Variants in TP53BP1 observed in about 807,000 individuals in gnomAD.
TP53BP1 encodes TP53-binding protein 1.
TP53BP1 carries 61 observed loss-of-function variants against 200.8 expected under a neutral mutation model. That is an observed-to-expected ratio of 0.30 (90% CI 0.25 to 0.38). The LOEUF is 0.38. Among genes scored for constraint, TP53BP1 ranks in the 10% least tolerant of loss-of-function variants. The pLI is 1.00. For missense variants in TP53BP1, 2,144 were observed against 2,371.9 expected, an observed-to-expected ratio of 0.90 and a Z score of 2.00; for synonymous variants, 822 against 844.3, an observed-to-expected ratio of 0.97 and a Z score of 0.46.
At chr15:43,499,019 C>CAA (rs540418662) in intron 1 of TP53BP1, among the ~76,000 whole-genome samples, 10 of 141,364 alleles carry the variant, frequency 7.1e-5, no homozygotes, top group East Asian at 2.0e-4. Flanking sequence ...ACAACAACAA[C>CAA]AAAAAAAAAA....
Position 43,475,624 on chromosome 15 carries a change from G to T in TP53BP1, c.1026C>A (p.Thr342=). The change falls in exon 9 of 28, where the codon ACC becomes ACA. Residue 342 remains threonine, a synonymous_variant. Transcript: ENST00000382044. ...CAGAGAGCTGCAGGAGATGCAGAGT[G>T]GTGGCAGGAGTGGAAGCCAAAGAAC... The part of the protein sequence containing the change: ...GGCSLASTPA[T]TLHLLQLSGQ... 1 of 1,614,066 alleles carries T rather than the reference G, an allele frequency of 6.2e-7. No homozygotes were observed. The highest frequency in any genetic ancestry group is 1.1e-5 in the South Asian group (1 of 91,082).
chr15:43,457,246 G>A (rs2046321833), intron 11 of TP53BP1, 28 bp from the exon 12 acceptor site: 1 of 1,540,576 alleles, frequency 6.5e-7, no homozygotes, highest in Non-Finnish European at 8.7e-7. Context: ...GAGACAAATT[G>A]TAATTTGTAC....
At chr15:43,503,820 T>G (rs543890355) in intron 1 of TP53BP1, among the ~76,000 whole-genome samples, 9 of 152,362 alleles carry the variant, frequency 5.9e-5, no homozygotes, top group Admixed American at 5.2e-4. Flanking sequence ...GGATTCTGCA[T>G]CTGTGGATTC....
At chr15:43,455,782 C>A in intron 12 of TP53BP1, 110 bp downstream of exon 12, 2 of 1,300,600 alleles carry the variant, frequency 1.5e-6, no homozygotes, top group Non-Finnish European at 2.1e-6. Flanking sequence ...TGTTCATAAA[C>A]ATAAACCAAA....
Position 43,456,889 on chromosome 15 carries a change from C to G in TP53BP1, c.1719G>C (p.Leu573=), listed in dbSNP as rs1158446752. 6.2e-7 allele frequency: 1 copy of G among 1,613,916 alleles called. No homozygotes were observed. The highest frequency in any genetic ancestry group is 1.3e-5 in the African/African-American group (1 of 74,914). ...KFVPAENDSI[L]MNPAQDGEVQ... ...CTTCACCATCCTGTGCTGGATTCAT[C>G]AGGATACTATCATTTTCAGCAGGAA... Residue 573 remains leucine (L), a synonymous_variant, in exon 12 of 28, where the codon CTG becomes CTC. Coordinates refer to ENST00000382044, the MANE Select transcript of TP53BP1 (RefSeq NM_001141980.3).
chr15:43,492,306 G>C lies in TP53BP1; in HGVS notation c.170C>G (p.Thr57Arg), dbSNP rs900018235. ...MLSRHLPNLQ[T>R]HKENPVLDVV... Reference sequence around the variant, plus strand: ...CACCAACACAGGATTTTCTTTGTGCGTCTGGAGATTAGGAAGGTGTCGAGA... The same window carrying C: ...CACCAACACAGGATTTTCTTTGTGCCTCTGGAGATTAGGAAGGTGTCGAGA... The change falls in exon 2 of 28, where the codon ACG becomes AGG. Residue 57 changes from threonine (T) to arginine (R), a missense_variant. Physicochemically the swap from Thr to Arg is moderately conservative, Grantham distance 71 (BLOSUM62 -1). Transcript: ENST00000382044. The C allele has an allele frequency of 6.2e-7, 1 of 1,613,918 alleles. No individual in the cohort carries two copies.
chr15:43,495,816 CAAAA>C (rs1180419642), upstream of TP53BP1, among the ~76,000 whole-genome samples: 1 of 55,888 alleles, frequency 1.8e-5, no homozygotes. Context: ...GACCCCGTCT[CAAAA>C]AAAAAAAAAA....
At chr15:43,466,209 G>A (rs36078097) in intron 11 of TP53BP1, among the ~76,000 whole-genome samples, 26,569 of 152,028 alleles carry the variant, frequency 0.17, 2,505 homozygotes, top group Middle Eastern at 0.27. Flanking sequence ...GACAGTGAAC[G>A]GAGGTTAACA....
rs1177812686 is a variant in TP53BP1, at chr15:43,469,980, C to T, written c.1267G>A (p.Glu423Lys). The change falls in exon 11 of 28, where the codon GAA becomes AAA. Residue 423 changes from glutamate to lysine, a missense_variant. Around this residue, in one of 4 missense-constraint regions of TP53BP1, gnomAD observed 1,700 missense variants for 1,710.3 expected, o/e 0.99. Coordinates refer to ENST00000382044, the MANE Select transcript of TP53BP1 (RefSeq NM_001141980.3). ...GACTCAGGCAGGAGAGGGGGGTTTT[C>T]TAACTCCACTGGTTCACCACTTTGA... is the stretch of plus-strand genomic sequence containing the variant. ...KLQSGEPVEL[E>K]NPPLLPESTV... The T allele has an allele frequency of 1.2e-6, 2 of 1,613,954 alleles. No homozygotes were observed. The highest frequency in any genetic ancestry group is 1.7e-6 in the Non-Finnish European group (2 of 1,180,024).
intron 21 of TP53BP1, among the ~76,000 whole-genome samples, chr15:43,419,564 T>G (rs1189632049): frequency 9.9e-6 from 1 of 100,922 alleles, no homozygotes; most frequent in East Asian, 2.7e-4. Flanking sequence ...TTTTTTTTTT[T>G]GAGAGACAGG....
chr15:43,447,058 C>T, intron 13 of TP53BP1: 1 of 469,094 alleles, frequency 2.1e-6, no homozygotes, highest in Non-Finnish European at 4.1e-6. Context: ...CTTCCTGTTC[C>T]ATCCTTATAA....
In TP53BP1 at chr15:43,457,052, T is replaced by C; in HGVS notation, c.1556A>G (p.Lys519Arg). 1.2e-6 allele frequency: 2 copies of C among 1,614,192 alleles called. No individual in the cohort carries two copies. The highest frequency in any genetic ancestry group is 1.7e-6 in the Non-Finnish European group (2 of 1,180,036). Residue 519 changes from lysine (K) to arginine (R), a missense_variant, in exon 12 of 28, where the codon AAG (lysine) becomes AGG (arginine). Transcript: ENST00000382044. ...ATATTCACTTGTAGAAAGCATCAACTTGCAAGAATCCCCTGTCAAAGATAG... is the reference window on the plus strand; with the variant it reads ...ATATTCACTTGTAGAAAGCATCAACCTGCAAGAATCCCCTGTCAAAGATAG... ...LGLSLTGDSC[K>R]LMLSTSEYSQ...
At chr15:43,417,627 C>T (rs910789138) in intron 21 of TP53BP1, among the ~76,000 whole-genome samples, 23 of 152,166 alleles carry the variant, frequency 1.5e-4, no homozygotes, top group African/African-American at 5.1e-4. Flanking sequence ...TACAGAACTC[C>T]GTCTTTAAAA....
intron 24 of TP53BP1, chr15:43,412,601 T>C: frequency 4.4e-6 from 2 of 457,606 alleles, no homozygotes; most frequent in South Asian, 3.2e-5. Flanking sequence ...AGAAGCTGTT[T>C]CTTTGCAATC....
At position 43,409,658 on chromosome 15, in the gene TP53BP1, T is replaced by A; in HGVS notation, c.5389A>T (p.Asn1797Tyr). 6.5e-7 allele frequency: 1 copy of A among 1,548,118 alleles called. No individual in the cohort carries two copies. Among genetic ancestry groups the A allele is most frequent in the Non-Finnish European group, 8.7e-7 (1 of 1,147,936 alleles). ...AGAGYILEDFNEAQCNTAYQC... is the reference protein window; with the variant it reads ...AGAGYILEDFYEAQCNTAYQC... ...AAGAAACTCCTCACCTGGGCTTCAT[T>A]GAAATCTTCAAGGATATAGCCAGCT... The change falls in exon 25 of 28, where the codon AAT (asparagine) becomes TAT (tyrosine). Residue 1797 changes from asparagine (N) to tyrosine (Y), a missense_variant. This residue lies in a region of TP53BP1 where 334 missense variants were observed against 453.4 expected (regional missense o/e 0.74). Coordinates refer to ENST00000382044, the MANE Select transcript of TP53BP1 (RefSeq NM_001141980.3).
In TP53BP1 at chr15:43,421,954, C is replaced by G. The variant is rs1443104681; in HGVS notation, c.4001G>C (p.Ser1334Thr). Residue 1334 changes from serine (S) to threonine (T), a missense_variant, in exon 19 of 28, where the codon AGC (serine) becomes ACC (threonine). Ser to Thr is a moderately conservative substitution (Grantham distance 58). Transcript: ENST00000382044. ...TSLSAMHSSG[S>T]SGKGAGPLRG... is the part of the protein sequence containing the mutation. ...GAGTGGTCCGGCTCCTTTCCCTGAG[C>G]TTCCACTGCTGTGCATAGCTGAGAG... 6.2e-7 allele frequency: 1 copy of G among 1,614,204 alleles called. No homozygotes were observed. Among genetic ancestry groups the G allele is most frequent in the South Asian group, 1.1e-5 (1 of 91,084 alleles).
intron 6 of TP53BP1, 74 bp from the exon 7 acceptor site, chr15:43,479,600 T>G (rs1280985493): frequency 6.7e-7 from 1 of 1,485,562 alleles, no homozygotes; most frequent in Non-Finnish European, 9.1e-7. Flanking sequence ...CAGATGTTTT[T>G]TAAAAAGCAA....
At position 43,493,048 on chromosome 15, in the gene TP53BP1, G is replaced by T; in HGVS notation, c.-5C>A. On this transcript the variant is annotated 5_prime_UTR_variant, in exon 1 of 28. Coordinates refer to ENST00000382044, the MANE Select transcript of TP53BP1 (RefSeq NM_001141980.3). ...TCTCCAAACAGTACCAGGCATCCCG[G>T]CGGGAGGTCCCTCGCGCTCGAGCTA... 1 of 1,613,190 alleles carries T rather than the reference G, an allele frequency of 6.2e-7. No individual in the cohort carries two copies. The highest frequency in any genetic ancestry group is 8.5e-7 in the Non-Finnish European group (1 of 1,179,672).
intron 3 of TP53BP1, 33 bp downstream of exon 3, chr15:43,491,969 T>C (rs1435655325): frequency 3.9e-6 from 6 of 1,546,098 alleles, no homozygotes; most frequent in Non-Finnish European, 5.4e-6. Flanking sequence ...ACCCAAAAAA[T>C]GCAAAGGGGA....
Sources: gnomAD v4.1 joint callset for allele counts (sites outside exome capture counted in the v4.1 genomes callset) on GRCh38, gnomAD v4.1.1 for gene constraint, gnomAD v4.1.1 regional missense constraint, MANE v1.5 for transcripts, NCBI Gene and HGNC (gene_info 2026-07-23, HGNC 2026-07-21) for gene names.